Variants in HCN1 observed in about 807,000 individuals in gnomAD.
HCN1 encodes hyperpolarization activated cyclic nucleotide gated potassium channel 1.
HCN1 carries 13 observed loss-of-function variants against 78.9 expected under a neutral mutation model. The observed-to-expected ratio is 0.16, with a 90% CI of 0.11 to 0.26. The LOEUF (loss-of-function observed/expected upper bound fraction) is 0.26, where lower values mean the gene tolerates loss of function less well. HCN1 is among the 10% of genes least tolerant of loss of function. The pLI is 1.00. For missense variants in HCN1, 810 were observed against 1,154.3 expected, an observed-to-expected ratio of 0.70 and a Z score of 4.32; for synonymous variants, 552 against 455.5, an observed-to-expected ratio of 1.21 and a Z score of -2.70.
At chr5:45,391,400 C>T (rs886707686) in intron 4 of HCN1, among the ~76,000 whole-genome samples, 14 of 152,284 alleles carry the variant, frequency 9.2e-5, no homozygotes, top group Non-Finnish European at 1.8e-4. Flanking sequence ...AGTAACTCAA[C>T]TAAGCTTCTT....
intron 1 of HCN1, among the ~76,000 whole-genome samples, chr5:45,669,397 A>G (rs528538196): frequency 2.6e-5 from 4 of 151,934 alleles, no homozygotes; most frequent in South Asian, 4.1e-4. Flanking sequence ...GGGGGAGATC[A>G]TAAGTTCAAT....
At chr5:45,589,050 AG>A (rs1030455399) in intron 2 of HCN1, among the ~76,000 whole-genome samples, 1 of 152,184 alleles carries the variant, frequency 6.6e-6, no homozygotes, top group African/African-American at 2.4e-5. Flanking sequence ...TCTGAGAGAG[AG>A]CTTTATGTTA....
intron 1 of HCN1, among the ~76,000 whole-genome samples, chr5:45,651,375 G>A (rs1411758800): frequency 6.6e-6 from 1 of 151,910 alleles, no homozygotes; most frequent in East Asian, 1.9e-4. Flanking sequence ...AACATCATTA[G>A]CCACAATATA....
In HCN1 at chr5:45,434,751, A is replaced by G. The variant is rs1439692032; in HGVS notation, c.1011+27095T>C. ...ATATGCCAGATATGCTAAGCATTTT[A>G]TAGAGAGTTTTATAAGTCTTACAAC... On this transcript the variant is annotated intron_variant, in intron 3 of 7. Coordinates refer to ENST00000303230, the MANE Select transcript of HCN1 (RefSeq NM_021072.4). Among the ~76,000 whole-genome samples, 5 of 152,314 alleles carry G rather than the reference A, an allele frequency of 3.3e-5. No individual in the cohort carries two copies. In the East Asian group the frequency reaches 9.7e-4, roughly 29 times the overall value.
intron 2 of HCN1, among the ~76,000 whole-genome samples, chr5:45,522,683 CT>C (rs1742639926): frequency 6.7e-6 from 1 of 149,134 alleles, no homozygotes; most frequent in South Asian, 2.1e-4. Flanking sequence ...CAAAAAATAT[CT>C]TTTGGAAACG....
At chr5:45,468,435 C>T (rs1270255028) in intron 2 of HCN1, among the ~76,000 whole-genome samples, 3 of 151,868 alleles carry the variant, frequency 2.0e-5, no homozygotes, top group Non-Finnish European at 4.4e-5. Context: ...AAAAAGAAAG[C>T]AATTTTAGAC....
chr5:45,523,236 A>C (rs1357284917), intron 2 of HCN1, among the ~76,000 whole-genome samples: 1 of 151,928 alleles, frequency 6.6e-6, no homozygotes, highest in Non-Finnish European at 1.5e-5. Flanking sequence ...TATGTGCCAC[A>C]TTTTCTTAAT....
intron 3 of HCN1, among the ~76,000 whole-genome samples, chr5:45,448,086 T>C (rs1740836709): frequency 6.6e-6 from 1 of 151,926 alleles, no homozygotes; most frequent in Non-Finnish European, 1.5e-5. Flanking sequence ...ATAATGATAA[T>C]TATCTCATAT....
At chr5:45,688,490 A>G (rs1197603040) in intron 1 of HCN1, among the ~76,000 whole-genome samples, 1 of 152,080 alleles carries the variant, frequency 6.6e-6, no homozygotes, top group Non-Finnish European at 1.5e-5. Context: ...GTATTACTGT[A>G]GGAAAAAATA....
At chr5:45,353,374 A>T (rs1746950521) in intron 4 of HCN1, 128 bp from the exon 5 acceptor site, 1 of 708,246 alleles carries the variant, frequency 1.4e-6, no homozygotes, top group African/African-American at 1.8e-5. Flanking sequence ...ATCCTTTAAG[A>T]TGAAGGAACT....
intron 5 of HCN1, among the ~76,000 whole-genome samples, chr5:45,334,730 A>G (rs1746419412): frequency 6.6e-6 from 1 of 152,008 alleles, no homozygotes. Context: ...AGAGTGACAC[A>G]CAATATGCTC....
intron 6 of HCN1, among the ~76,000 whole-genome samples, chr5:45,294,656 A>C (rs925642033): frequency 5.3e-5 from 8 of 152,090 alleles, no homozygotes; most frequent in Admixed American, 2.0e-4. Context: ...TTGACATTTT[A>C]ATATGGTTTG....
In HCN1 at chr5:45,262,670, G is replaced by A; in HGVS notation, c.1924C>T (p.Pro642Ser). Residue 642 changes from proline (P) to serine (S), a missense_variant, in exon 8 of 8, where the codon CCT (proline) becomes TCT (serine). Transcript: ENST00000303230. ...MVQAIAPINY[P>S]QMTTLNSTSS... Reference sequence around the variant, plus strand: ...GTGGAATTCAGGGTTGTCATTTGAGGATAATTGATGGGAGCGATTGCCTGC... The same window carrying A: ...GTGGAATTCAGGGTTGTCATTTGAGAATAATTGATGGGAGCGATTGCCTGC... The A allele has an allele frequency of 6.2e-7, 1 of 1,614,126 alleles. No individual in the cohort carries two copies. Among genetic ancestry groups the A allele is most frequent in the Non-Finnish European group, 8.5e-7 (1 of 1,180,018 alleles).
chr5:45,567,323 G>A (rs188824414), intron 2 of HCN1, among the ~76,000 whole-genome samples: 2 of 151,770 alleles, frequency 1.3e-5, no homozygotes, highest in Admixed American at 1.3e-4. Context: ...AACAAAGAAT[G>A]TCCCTTTTCC....
intron 2 of HCN1, among the ~76,000 whole-genome samples, chr5:45,550,283 G>T (rs1297933399): frequency 6.6e-6 from 1 of 152,176 alleles, no homozygotes; most frequent in East Asian, 1.9e-4. Context: ...TTAAGAAAAT[G>T]TGGCACATAT....
chr5:45,272,291 G>GAT (rs1388558234), intron 6 of HCN1, among the ~76,000 whole-genome samples: 3 of 151,886 alleles, frequency 2.0e-5, no homozygotes, highest in African/African-American at 7.3e-5. Flanking sequence ...TTAAATAAAG[G>GAT]ATATATATAG....
At chr5:45,516,118 A>G (rs1373211706) in intron 2 of HCN1, among the ~76,000 whole-genome samples, 1 of 152,030 alleles carries the variant, frequency 6.6e-6, no homozygotes, top group African/African-American at 2.4e-5. Context: ...TTGTATCATT[A>G]CACAAATACA....
intron 2 of HCN1, among the ~76,000 whole-genome samples, chr5:45,601,829 C>G (rs145430747): frequency 0.01 from 1,543 of 152,238 alleles, 11 homozygotes; most frequent in Non-Finnish European, 0.013. Context: ...TGTGTCCTCC[C>G]AAAATTCATA....
At chr5:45,287,497 T>C (rs1745291364) in intron 6 of HCN1, among the ~76,000 whole-genome samples, 1 of 152,210 alleles carries the variant, frequency 6.6e-6, no homozygotes, top group East Asian at 1.9e-4. Context: ...GTAATACATA[T>C]GGAATTACTT....
Sources: gnomAD v4.1 joint callset for allele counts (sites outside exome capture counted in the v4.1 genomes callset) on GRCh38, gnomAD v4.1.1 for gene constraint, MANE v1.5 for transcripts, NCBI Gene and HGNC (gene_info 2026-07-23, HGNC 2026-07-21) for gene names.